The following ZNF804B variants were observed in gnomAD, a reference collection of about 807,000 sequenced individuals.
The protein encoded by ZNF804B is zinc finger 804B.
In ZNF804B, 80 loss-of-function variants were observed where a neutral mutation model predicts 101.4. The ratio of observed to expected loss-of-function variants is 0.79; its 90% CI spans 0.66 to 0.95. The LOEUF is 0.95. Ranked by LOEUF, ZNF804B falls within the 40% of genes least tolerant of loss-of-function variation. The pLI, the probability that ZNF804B is intolerant of heterozygous loss-of-function variation, is 0.00. For missense variants in ZNF804B, 1,673 were observed against 1,561.9 expected, an observed-to-expected ratio of 1.07 and a Z score of -1.20; for synonymous variants, 622 against 558.8, an observed-to-expected ratio of 1.11 and a Z score of -1.59.
At chr7:89,027,688 A>G (rs963904504) in intron 1 of ZNF804B, among the ~76,000 whole-genome samples, 7 of 152,294 alleles carry the variant, frequency 4.6e-5, no homozygotes, top group African/African-American at 1.4e-4. Flanking sequence ...TGAGCCTTCA[A>G]TGTGAAAACG....
intron 2 of ZNF804B, among the ~76,000 whole-genome samples, chr7:89,297,796 T>C (rs1790406680): frequency 6.6e-6 from 1 of 151,702 alleles, no homozygotes; most frequent in South Asian, 2.1e-4. Flanking sequence ...TAAATATTCA[T>C]GTGCACTTTT....
At chr7:89,122,099 A>C (rs1790415727) in intron 1 of ZNF804B, among the ~76,000 whole-genome samples, 2 of 151,970 alleles carry the variant, frequency 1.3e-5, no homozygotes, top group African/African-American at 4.8e-5. Flanking sequence ...TTATTTATAT[A>C]GTTAAAATAC....
chr7:89,328,954 GTGATGATGATAATGATGC>G (rs986554574), intron 3 of ZNF804B, among the ~76,000 whole-genome samples: 25 of 151,848 alleles, frequency 1.6e-4, no homozygotes, highest in Admixed American at 2.6e-4. Flanking sequence ...CATGGTGATG[GTGATGATGATAATGATGC>G]TGATGATGAT....
intron 1 of ZNF804B, among the ~76,000 whole-genome samples, chr7:88,924,383 T>C (rs1792765564): frequency 6.6e-6 from 1 of 152,132 alleles, no homozygotes; most frequent in South Asian, 2.1e-4. Context: ...TGTGTCTGAT[T>C]TTCCTGTTCT....
At position 88,803,232 on chromosome 7, in the gene ZNF804B, G is replaced by A. The variant is rs150897888; in HGVS notation, c.108+43148G>A. Among the ~76,000 whole-genome samples the A allele has an allele frequency of 5.7e-3, 864 of 152,180 alleles. 4 individuals carry two copies. The highest frequency in any genetic ancestry group is 0.02 in the African/African-American group (824 of 41,534). ...GATACATGTGTTGCTTTGTTTGTAA[G>A]TCTAGGATAGTCTAGCCTGAGAGCC... On this transcript the variant is annotated intron_variant, in intron 1 of 3. Coordinates refer to ENST00000333190, the MANE Select transcript of ZNF804B (RefSeq NM_181646.5).
chr7:88,765,117 A>T (rs1349678562), intron 1 of ZNF804B, among the ~76,000 whole-genome samples: 1 of 152,128 alleles, frequency 6.6e-6, no homozygotes, highest in Non-Finnish European at 1.5e-5. Context: ...TTCCATATTA[A>T]GAAGACTTAA....
Position 89,022,179 on chromosome 7 carries a change from C to A in ZNF804B, c.109-195976C>A, listed in dbSNP as rs140821006. Among the ~76,000 whole-genome samples, 208 of 152,238 alleles carry A rather than the reference C, an allele frequency of 1.4e-3. 4 individuals carry two copies. The East Asian group carries it at 0.031, about 22-fold the overall frequency. On this transcript the variant is annotated intron_variant, in intron 1 of 3. Transcript: ENST00000333190. Reference sequence around the variant, plus strand: ...TGCCCTCCTGGACTTCGGAGCACCACAGGGACCTCTCATCTCCCCTGCTGC... The same window carrying A: ...TGCCCTCCTGGACTTCGGAGCACCAAAGGGACCTCTCATCTCCCCTGCTGC...
chr7:89,244,658 A>G (rs898552042), intron 2 of ZNF804B, among the ~76,000 whole-genome samples: 9 of 152,160 alleles, frequency 5.9e-5, no homozygotes, highest in African/African-American at 1.9e-4. Context: ...ACCTGGAGAC[A>G]AAAGATAAAT....
intron 1 of ZNF804B, among the ~76,000 whole-genome samples, chr7:89,057,025 T>C (rs1584099412): frequency 2.6e-5 from 4 of 152,268 alleles, no homozygotes; most frequent in Admixed American, 2.6e-4. Flanking sequence ...GAAGAAGCTG[T>C]ATTTTCATGC....
At chr7:88,956,068 A>T (rs1793300943) in intron 1 of ZNF804B, among the ~76,000 whole-genome samples, 1 of 151,702 alleles carries the variant, frequency 6.6e-6, no homozygotes, top group Non-Finnish European at 1.5e-5. Flanking sequence ...GGCTATTATC[A>T]AAAAGACAAA....
intron 1 of ZNF804B, among the ~76,000 whole-genome samples, chr7:88,905,456 C>T (rs369287088): frequency 1.2e-4 from 18 of 152,038 alleles, no homozygotes; most frequent in Non-Finnish European, 2.5e-4. Flanking sequence ...CTCCCTGGTT[C>T]AGGCAATTCT....
intron 1 of ZNF804B, among the ~76,000 whole-genome samples, chr7:89,088,865 T>C (rs1217231495): frequency 6.6e-6 from 1 of 151,758 alleles, no homozygotes; most frequent in African/African-American, 2.4e-5. Flanking sequence ...TTTTCAAAGG[T>C]GTAGCAGCTA....
chr7:89,258,237 A>G (rs1201461493), intron 2 of ZNF804B, among the ~76,000 whole-genome samples: 1 of 152,128 alleles, frequency 6.6e-6, no homozygotes, highest in Non-Finnish European at 1.5e-5. Context: ...TACTACACCA[A>G]TTTAAGTAAG....
At chr7:89,304,435 G>A (rs1227093054) in intron 2 of ZNF804B, among the ~76,000 whole-genome samples, 4 of 151,758 alleles carry the variant, frequency 2.6e-5, no homozygotes, top group Admixed American at 6.6e-5. Flanking sequence ...TTCCTTGCTT[G>A]TTTAACTTAT....
At chr7:89,163,451 G>T (rs1419638400) in intron 1 of ZNF804B, among the ~76,000 whole-genome samples, 1 of 151,816 alleles carries the variant, frequency 6.6e-6, no homozygotes, top group Non-Finnish European at 1.5e-5. Flanking sequence ...TCAATTTTTT[G>T]CCTTCAGAAC....
chr7:89,114,895 T>G (rs1033120191), intron 1 of ZNF804B, among the ~76,000 whole-genome samples: 1 of 152,132 alleles, frequency 6.6e-6, no homozygotes, highest in Non-Finnish European at 1.5e-5. Flanking sequence ...TTGTAGCTAC[T>G]AGAACTGCAA....
At chr7:89,287,814 C>A (rs151308523) in intron 2 of ZNF804B, among the ~76,000 whole-genome samples, 8 of 151,984 alleles carry the variant, frequency 5.3e-5, no homozygotes, top group African/African-American at 1.7e-4. Context: ...GAAAAAAAAT[C>A]TTGAAATAAG....
intron 2 of ZNF804B, among the ~76,000 whole-genome samples, chr7:89,265,236 C>A (rs1789769099): frequency 6.6e-6 from 1 of 151,878 alleles, no homozygotes; most frequent in African/African-American, 2.4e-5. Context: ...TATCCATGAT[C>A]TTAGATTATA....
intron 1 of ZNF804B, among the ~76,000 whole-genome samples, chr7:89,098,507 C>T (rs1333844509): frequency 1.3e-5 from 2 of 151,944 alleles, no homozygotes; most frequent in Admixed American, 6.6e-5. Context: ...CTCCTGACCT[C>T]GTGATCCTCC....
Sources: allele counts gnomAD v4.1 joint callset (sites outside exome capture counted in the v4.1 genomes callset), GRCh38; gene constraint gnomAD v4.1.1; transcripts MANE v1.5; gene names NCBI Gene and HGNC (gene_info 2026-07-23, HGNC 2026-07-21).